Variants in CGNL1 observed in about 807,000 individuals in gnomAD.
CGNL1 encodes cingulin-like protein 1.
Under a neutral mutation model 141.2 loss-of-function variants are expected in CGNL1, and 132 were observed. That is an observed-to-expected ratio of 0.93 (90% confidence interval 0.81 to 1.08). The LOEUF (loss-of-function observed/expected upper bound fraction) is 1.08. Among genes scored for constraint, CGNL1 ranks in the 50% least tolerant of loss-of-function variants. CGNL1 has a pLI of 0.00. For missense variants in CGNL1, 1,870 were observed against 1,588.6 expected (o/e 1.18, Z -3.01); for synonymous variants, 690 against 622.1 (o/e 1.11, Z -1.63).
At chr15:57,401,193 T>A (rs2062657090) in intron 1 of CGNL1, among the ~76,000 whole-genome samples, 1 of 152,302 alleles carries the variant, frequency 6.6e-6, no homozygotes, top group South Asian at 2.1e-4. Flanking sequence ...GGTATAGATA[T>A]ATCGTAATTT....
intron 8 of CGNL1, among the ~76,000 whole-genome samples, chr15:57,497,807 C>T (rs556979228): frequency 6.6e-5 from 10 of 152,298 alleles, no homozygotes; most frequent in African/African-American, 2.4e-4. Context: ...ACACGGGCGG[C>T]GGCCTGTAGG....
At chr15:57,376,762 G>A (rs2062367546) in intron 1 of CGNL1, among the ~76,000 whole-genome samples, 195 bp downstream of exon 1, 2 of 151,820 alleles carry the variant, frequency 1.3e-5, no homozygotes, top group Non-Finnish European at 2.9e-5. Context: ...CCGGACTCCC[G>A]CGCCGCGCCC....
At chr15:57,442,611 A>T in intron 4 of CGNL1, 133 bp downstream of exon 4, 1 of 546,816 alleles carries the variant, frequency 1.8e-6, no homozygotes, top group Non-Finnish European at 3.3e-6. Flanking sequence ...AGTACTCTTC[A>T]TGTTTTACAT....
intron 8 of CGNL1, among the ~76,000 whole-genome samples, chr15:57,509,403 A>G (rs11071326): frequency 0.13 from 19,876 of 152,164 alleles, 1,903 homozygotes; most frequent in East Asian, 0.46. Context: ...AAAACCTGAT[A>G]TGTCTGTGTA....
chr15:57,442,581 A>G, intron 4 of CGNL1, 103 bp downstream of exon 4: 2 of 687,480 alleles, frequency 2.9e-6, no homozygotes, highest in Non-Finnish European at 5.1e-6. Context: ...AGTAAGTGGG[A>G]AGTTGCCTGA....
intron 14 of CGNL1, among the ~76,000 whole-genome samples, chr15:57,536,504 G>A (rs543968717): frequency 1.3e-5 from 2 of 152,282 alleles, no homozygotes; most frequent in East Asian, 1.9e-4. Flanking sequence ...TTGATAAAAT[G>A]ATATCTTCTT....
At chr15:57,528,874 G>C in intron 13 of CGNL1, 59 bp downstream of exon 13, 1 of 1,555,494 alleles carries the variant, frequency 6.4e-7, no homozygotes, top group Non-Finnish European at 8.7e-7. Context: ...TGGGCCACGA[G>C]AGAAGCAGCC....
chr15:57,519,846 C>T (rs1207323943), intron 10 of CGNL1, among the ~76,000 whole-genome samples: 3 of 152,198 alleles, frequency 2.0e-5, no homozygotes, highest in Non-Finnish European at 4.4e-5. Context: ...GTCCCCGGTG[C>T]AGCTATGGGT....
At chr15:57,430,176 C>G (rs750003278) in intron 1 of CGNL1, among the ~76,000 whole-genome samples, 12 of 152,224 alleles carry the variant, frequency 7.9e-5, no homozygotes, top group Non-Finnish European at 1.6e-4. Flanking sequence ...TCATCACTGA[C>G]AGTCTGACTT....
chr15:57,405,791 TTTC>T (rs1185302582), intron 1 of CGNL1, among the ~76,000 whole-genome samples: 4 of 127,544 alleles, frequency 3.1e-5, no homozygotes, highest in Non-Finnish European at 4.8e-5. Context: ...TCTTTCTTTC[TTTC>T]TTTCTTTCTT....
In CGNL1 at chr15:57,527,032, G is replaced by A. The variant is rs564573300; in HGVS notation, c.3040-1622G>A. ...ATAATTATCCCAATTTTGTGAATGA[G>A]GAAACTGAGTCATAGAGCGTTTTTG... On this transcript the variant is annotated intron_variant, in intron 12 of 18. Transcript: ENST00000281282. 1.4e-4 allele frequency among the ~76,000 whole-genome samples: 21 copies of A among 152,270 alleles called. No individual in the cohort carries two copies. The South Asian group carries it at 3.9e-3, about 29-fold the overall frequency.
intron 8 of CGNL1, among the ~76,000 whole-genome samples, chr15:57,495,463 A>G (rs1001865432): frequency 6.6e-6 from 1 of 152,138 alleles, no homozygotes; most frequent in Non-Finnish European, 1.5e-5. Flanking sequence ...TTAAAATCAA[A>G]TGTCTCGTAA....
At chr15:57,525,783 T>A (rs1291902049) in intron 12 of CGNL1, among the ~76,000 whole-genome samples, 1 of 152,068 alleles carries the variant, frequency 6.6e-6, no homozygotes, top group African/African-American at 2.4e-5. Flanking sequence ...AGAACACTCT[T>A]GAAAGGCCCC....
At chr15:57,532,657 T>C (rs2140183397) in intron 14 of CGNL1, among the ~76,000 whole-genome samples, 1 of 152,248 alleles carries the variant, frequency 6.6e-6, no homozygotes, top group Non-Finnish European at 1.5e-5. Flanking sequence ...AGTACTGTTA[T>C]TGAACGTGAA....
At chr15:57,535,928 C>T (rs1291585543) in intron 14 of CGNL1, among the ~76,000 whole-genome samples, 1 of 152,162 alleles carries the variant, frequency 6.6e-6, no homozygotes. Context: ...ATACATTTGG[C>T]ACTCACTAAA....
chr15:57,422,085 G>A (rs914223652), intron 1 of CGNL1, among the ~76,000 whole-genome samples: 5 of 141,672 alleles, frequency 3.5e-5, no homozygotes, highest in South Asian at 2.4e-4. Flanking sequence ...TCCATGTGGG[G>A]CCCTGTCATT....
At chr15:57,432,097 C>T (rs1213591499) in intron 1 of CGNL1, among the ~76,000 whole-genome samples, 1 of 152,134 alleles carries the variant, frequency 6.6e-6, no homozygotes, top group African/African-American at 2.4e-5. Flanking sequence ...GAGTCTCTGC[C>T]CCATGCTAGG....
intron 14 of CGNL1, among the ~76,000 whole-genome samples, chr15:57,542,820 G>A (rs1193094249): frequency 1.3e-5 from 2 of 152,198 alleles, no homozygotes; most frequent in African/African-American, 4.8e-5. Context: ...GTTCAGCATG[G>A]AAACAGCCTG....
chr15:57,415,874 G>T (rs1415293811), intron 1 of CGNL1, among the ~76,000 whole-genome samples: 1 of 152,172 alleles, frequency 6.6e-6, no homozygotes, highest in South Asian at 2.1e-4. Flanking sequence ...AGGGAACAAG[G>T]TTAGTTTCTC....
Sources: gnomAD v4.1 joint callset for allele counts (sites outside exome capture counted in the v4.1 genomes callset) on GRCh38, gnomAD v4.1.1 for gene constraint, MANE v1.5 for transcripts, NCBI Gene and HGNC (gene_info 2026-07-23, HGNC 2026-07-21) for gene names.